SLC44A1: variants seen among roughly 807,000 people sequenced by gnomAD.
SLC44A1 encodes choline transporter-like protein 1.
A neutral mutation model predicts 79.3 loss-of-function variants in SLC44A1; 26 were observed. The observed-to-expected ratio is 0.33, with a 90% CI of 0.24 to 0.46. SLC44A1 has a LOEUF of 0.46. Ranked by LOEUF, SLC44A1 falls within the 20% of genes least tolerant of loss-of-function variation. SLC44A1 has a pLI of 1.00. For missense variants in SLC44A1, 688 were observed against 798.1 expected, an observed-to-expected ratio of 0.86 and a Z score of 1.66; for synonymous variants, 263 against 286.2, an observed-to-expected ratio of 0.92 and a Z score of 0.82.
intron 4 of SLC44A1, among the ~76,000 whole-genome samples, chr9:105,342,503 A>G (rs909957286): frequency 6.6e-6 from 1 of 152,044 alleles, no homozygotes; most frequent in African/African-American, 2.4e-5. Context: ...GGGAGAGGAG[A>G]ATCTCCCTCC....
At chr9:105,266,878 T>G (rs564878515) in intron 1 of SLC44A1, among the ~76,000 whole-genome samples, 1 of 152,362 alleles carries the variant, frequency 6.6e-6, no homozygotes, top group East Asian at 1.9e-4. Flanking sequence ...TGCATTGAAA[T>G]GCATGGATCC....
At position 105,394,577 on chromosome 9, in the gene SLC44A1, C is replaced by T; in HGVS notation, c.*5521C>T. ...TGTAATTAATCCATCTACCAAAACA[C>T]TTGATTCTTTTTATTGTAGCTCAGC... On this transcript the variant is annotated 3_prime_UTR_variant, in exon 16 of 16. Transcript: ENST00000374720. 1.0e-6 allele frequency: 1 copy of T among 985,016 alleles called. No homozygotes were observed. The highest frequency in any genetic ancestry group is 1.2e-6 in the Non-Finnish European group (1 of 829,842). The allele number at this position is 985,016 out of a possible 1,614,324, so 61.0% of individuals were successfully genotyped here. A position where few individuals can be genotyped will look rare whatever the true frequency, so the allele number is the denominator to read the frequency against.
chr9:105,331,499 A>G (rs1826748167), intron 3 of SLC44A1, among the ~76,000 whole-genome samples: 1 of 152,212 alleles, frequency 6.6e-6, no homozygotes, highest in African/African-American at 2.4e-5. Context: ...TTTTGTTTAA[A>G]GTGAAAACTG....
chr9:105,277,733 A>G (rs1830242036), intron 1 of SLC44A1, among the ~76,000 whole-genome samples: 2 of 152,232 alleles, frequency 1.3e-5, no homozygotes, highest in South Asian at 4.1e-4. Flanking sequence ...GTAGCCTAAT[A>G]GGGCTTGGTC....
intron 4 of SLC44A1, among the ~76,000 whole-genome samples, chr9:105,345,883 C>CT (rs1191766992): frequency 6.6e-6 from 1 of 151,340 alleles, no homozygotes; most frequent in African/African-American, 2.4e-5. Context: ...TAGTTTTCTA[C>CT]TTTTCATTAC....
intron 15 of SLC44A1, among the ~76,000 whole-genome samples, chr9:105,414,462 A>G (rs1207976377): frequency 1.3e-5 from 2 of 152,156 alleles, no homozygotes; most frequent in African/African-American, 4.8e-5. Flanking sequence ...ATGTTATAGC[A>G]ATTTTAAGTT....
chr9:105,333,128 G>A (rs1826803671), intron 3 of SLC44A1, among the ~76,000 whole-genome samples: 1 of 152,170 alleles, frequency 6.6e-6, no homozygotes, highest in Non-Finnish European at 1.5e-5. Context: ...AAATATAATA[G>A]GGATACTTTT....
intron 6 of SLC44A1, among the ~76,000 whole-genome samples, chr9:105,357,647 G>A (rs1827660537): frequency 1.3e-5 from 2 of 152,062 alleles, no homozygotes; most frequent in African/African-American, 2.4e-5. Context: ...ATAGCACATC[G>A]GATTTAGCTT....
At chr9:105,295,966 C>G (rs1830712418) in intron 1 of SLC44A1, among the ~76,000 whole-genome samples, 1 of 151,986 alleles carries the variant, frequency 6.6e-6, no homozygotes. Context: ...ACAATGGCAG[C>G]TAAAATGAAA....
intron 1 of SLC44A1, among the ~76,000 whole-genome samples, chr9:105,272,032 A>G (rs541027019): frequency 3.9e-4 from 59 of 152,350 alleles, no homozygotes; most frequent in African/African-American, 1.3e-3. Context: ...AGTTGAAAGC[A>G]AGAGTCTGTT....
intron 15 of SLC44A1, among the ~76,000 whole-genome samples, chr9:105,418,268 T>C (rs6477442): frequency 0.17 from 24,004 of 143,168 alleles, 4,546 homozygotes; most frequent in African/African-American, 0.48. Context: ...GAGCCGAGAT[T>C]GCGCCATTGC....
intron 3 of SLC44A1, among the ~76,000 whole-genome samples, chr9:105,312,636 A>G (rs1301776857): frequency 1.3e-5 from 2 of 152,216 alleles, no homozygotes; most frequent in Non-Finnish European, 2.9e-5. Context: ...CGTTCCATTT[A>G]TATTCCCACC....
chr9:105,393,106 G>A lies in SLC44A1; in HGVS notation c.*4050G>A, dbSNP rs1047711195. 3.9e-5 allele frequency: 38 copies of A among 985,240 alleles called. No homozygotes were observed. The highest frequency in any genetic ancestry group is 4.1e-5 in the Non-Finnish European group (34 of 829,882). 61.0% of individuals were successfully genotyped at this position (985,240 alleles called of 1,614,324 possible). ...GCTTGCCTAGAACTGGTAAGAAGTG[G>A]TCTGTGAATGTATATTGAAAAAATG... On this transcript the variant is annotated 3_prime_UTR_variant, in exon 16 of 16. Transcript: ENST00000374720.
intron 3 of SLC44A1, among the ~76,000 whole-genome samples, chr9:105,311,856 C>A (rs902891095): frequency 6.6e-6 from 1 of 152,128 alleles, no homozygotes; most frequent in Admixed American, 6.6e-5. Flanking sequence ...TATAATATTT[C>A]GATCTGAAAA....
At chr9:105,309,927 CT>C in intron 3 of SLC44A1, 61 bp downstream of exon 3, 1 of 1,526,112 alleles carries the variant, frequency 6.6e-7, no homozygotes, top group South Asian at 1.2e-5. Context: ...AGAGAAAATC[CT>C]GCTGTTCTTG....
chr9:105,358,780 G>A (rs893988515), intron 7 of SLC44A1, among the ~76,000 whole-genome samples: 1 of 151,994 alleles, frequency 6.6e-6, no homozygotes, highest in African/African-American at 2.4e-5. Flanking sequence ...TGTCTTTCTT[G>A]AAATTCATTC....
At chr9:105,383,412 AT>A in intron 14 of SLC44A1, 53 bp downstream of exon 14, 1 of 1,008,244 alleles carries the variant, frequency 9.9e-7, no homozygotes, top group Non-Finnish European at 1.6e-6. Context: ...ACCAATAAAA[AT>A]ATTTTGTAAA....
Position 105,312,821 on chromosome 9 carries a change from C to T in SLC44A1, c.269+2955C>T, listed in dbSNP as rs540628194. Among the ~76,000 whole-genome samples the T allele has an allele frequency of 1.7e-3, 255 of 152,152 alleles. 2 individuals are homozygous for T. Among genetic ancestry groups the T allele is most frequent in the African/African-American group, 5.9e-3 (246 of 41,472 alleles). On this transcript the variant is annotated intron_variant, in intron 3 of 15. Coordinates refer to ENST00000374720, the MANE Select transcript of SLC44A1 (RefSeq NM_080546.5). ...CCTTTCATGAAGACTGTTGTGCTAGCGTATCTATTCTTGGTCGTCTTATCT... is the reference window on the plus strand; with the variant it reads ...CCTTTCATGAAGACTGTTGTGCTAGTGTATCTATTCTTGGTCGTCTTATCT...
intron 4 of SLC44A1, among the ~76,000 whole-genome samples, chr9:105,337,141 G>A (rs1826948398): frequency 6.6e-6 from 1 of 152,128 alleles, no homozygotes; most frequent in Admixed American, 6.5e-5. Context: ...TTAGGGAGGG[G>A]TGAGCCCTTC....
Sources: gnomAD v4.1 joint callset for allele counts (sites outside exome capture counted in the v4.1 genomes callset) on GRCh38, gnomAD v4.1.1 for gene constraint, MANE v1.5 for transcripts, NCBI Gene and HGNC (gene_info 2026-07-23, HGNC 2026-07-21) for gene names.